Variants in MYO1F observed in about 807,000 individuals in gnomAD.
MYO1F encodes myosin IF.
In MYO1F, 60 loss-of-function variants were observed where a neutral mutation model predicts 146.6. The ratio of observed to expected loss-of-function variants is 0.41; its 90% CI spans 0.33 to 0.51. The LOEUF (loss-of-function observed/expected upper bound fraction) is 0.51, where lower values mean the gene tolerates loss of function less well. Ranked by LOEUF, MYO1F falls within the 20% of genes least tolerant of loss-of-function variation. The pLI is 0.25. For synonymous variants in MYO1F, 602 were observed against 602.1 expected (o/e 1.00, Z 0.00); for missense variants, 1,274 against 1,534.3 (o/e 0.83, Z 2.83).
intron 1 of MYO1F, among the ~76,000 whole-genome samples, chr19:8,564,087 G>C (rs905512130): frequency 1.3e-5 from 2 of 152,044 alleles, no homozygotes; most frequent in Admixed American, 6.6e-5. Flanking sequence ...GTTTTTATAA[G>C]AAGTGGGTGC....
intron 4 of MYO1F, 79 bp from the exon 5 acceptor site, chr19:8,553,516 A>C (rs1599998785): frequency 2.6e-6 from 3 of 1,157,212 alleles, no homozygotes; most frequent in East Asian, 2.3e-5. Flanking sequence ...TTCATTGAGC[A>C]CCTACTGTGT....
chr19:8,574,281 G>T (rs562375978), intron 1 of MYO1F, among the ~76,000 whole-genome samples: 2 of 152,066 alleles, frequency 1.3e-5, no homozygotes, highest in Non-Finnish European at 2.9e-5. Context: ...ATGACCACTC[G>T]CAGCAACTCC....
chr19:8,521,291 C>T lies in MYO1F; in HGVS notation c.*237G>A. 2 of 572,760 alleles carry T rather than the reference C, an allele frequency of 3.5e-6. No individual in the cohort carries two copies. The highest frequency in any genetic ancestry group is 1.9e-5 in the South Asian group (1 of 51,608). 35.5% of individuals were successfully genotyped at this position (572,760 alleles called of 1,614,324 possible). The stretch of plus-strand genomic sequence containing the variant: ...TCTGCTGTTAGTCCCCTTTGACACA[C>T]ACAGAAATGGAGAATGGGCAGCAGG... On this transcript the variant is annotated 3_prime_UTR_variant, in exon 28 of 28. Transcript: ENST00000644032.
intron 1 of MYO1F, among the ~76,000 whole-genome samples, chr19:8,567,269 C>G (rs979150696): frequency 1.3e-5 from 2 of 151,540 alleles, no homozygotes; most frequent in Non-Finnish European, 2.9e-5. Context: ...GTTTCACCAT[C>G]TTGGCCAGGC....
intron 24 of MYO1F, 94 bp downstream of exon 24, chr19:8,526,359 C>CTA (rs1972265594): frequency 1.3e-6 from 2 of 1,504,288 alleles, no homozygotes; most frequent in Admixed American, 2.0e-5. Flanking sequence ...GTCTCTCTCT[C>CTA]TCTCTCTGTA....
chr19:8,525,608 CT>C, intron 24 of MYO1F, 46 bp from the exon 25 acceptor site: 1 of 1,521,082 alleles, frequency 6.6e-7, no homozygotes. Flanking sequence ...AGACCACGCT[CT>C]TTGCCCCGCC....
chr19:8,527,460 C>T lies in MYO1F; in HGVS notation c.2352G>A (p.Leu784=). The T allele has an allele frequency of 6.2e-7, 1 of 1,614,090 alleles. No individual in the cohort carries two copies. Among genetic ancestry groups the T allele is most frequent in the Non-Finnish European group, 8.5e-7 (1 of 1,179,994 alleles). ...RFKPIKRDLI[L]TPKCVYVIGR... is the part of the protein sequence containing the mutation. ...CAATCACATACACACACTTGGGCGT[C>T]AGGATCAAGTCCCGCTTGATGGGCT... The change falls in exon 22 of 28, where the codon CTG becomes CTA. Residue 784 remains leucine (L), a synonymous_variant. Transcript: ENST00000644032.
At chr19:8,557,852 C>T (rs912410335) in intron 1 of MYO1F, among the ~76,000 whole-genome samples, 4 of 152,178 alleles carry the variant, frequency 2.6e-5, no homozygotes, top group Admixed American at 2.6e-4. Flanking sequence ...CAGTCCCTGA[C>T]TTCTCTGTGG....
chr19:8,576,055 G>A (rs369892335), intron 1 of MYO1F, among the ~76,000 whole-genome samples: 10 of 152,250 alleles, frequency 6.6e-5, no homozygotes, highest in African/African-American at 2.4e-4. Flanking sequence ...GGAGTGCAGC[G>A]GCAGGATCTC....
chr19:8,554,412 G>C (rs1973755525), intron 4 of MYO1F, 65 bp downstream of exon 4: 1 of 1,361,328 alleles, frequency 7.3e-7, no homozygotes, highest in South Asian at 1.2e-5. Flanking sequence ...AACCTCCCTG[G>C]GGGTGGTGAT....
rs560327516 is a variant in MYO1F, at chr19:8,542,020, G to A, written c.1525-29C>T. 23 of 1,596,244 alleles carry A rather than the reference G, an allele frequency of 1.4e-5. No homozygotes were observed. In the Admixed American group the frequency reaches 1.5e-4, roughly 10 times the overall value. On this transcript the variant is annotated intron_variant, in intron 14 of 27. Transcript: ENST00000644032. ...GAGGGGACAGTGCTGAGGACAGTGA[G>A]GGACTGAGAAACCTGGCTGGGAGGG... is the stretch of plus-strand genomic sequence containing the variant.
intron 14 of MYO1F, among the ~76,000 whole-genome samples, chr19:8,543,777 C>G (rs59757576): frequency 2.9e-3 from 31 of 10,766 alleles, no homozygotes; most frequent in South Asian, 0.011. Flanking sequence ...GCTGGTGGTG[C>G]TGGTGGTGCT....
At chr19:8,560,742 A>ATATTT (rs372195364) in intron 1 of MYO1F, among the ~76,000 whole-genome samples, 1 of 133,918 alleles carries the variant, frequency 7.5e-6, no homozygotes, top group Admixed American at 7.8e-5. Context: ...CGCCTGGCTA[A>ATATTT]TTTTTTTTTT....
rs1234937813 is a variant in MYO1F, at chr19:8,536,545, T to C, written c.1852A>G (p.Arg618Gly). 6.2e-7 allele frequency: 1 copy of C among 1,609,276 alleles called. No individual in the cohort carries two copies. The highest frequency in any genetic ancestry group is 8.5e-7 in the Non-Finnish European group (1 of 1,178,002). ...TGGCGGCGGTAGGCGAAGCCGGCTC[T>C]GCGCACCCTGATGTTCTCCTTCAGG... is the stretch of plus-strand genomic sequence containing the variant. ...LGLKENIRVR[R>G]AGFAYRRQFA... The change falls in exon 18 of 28, where the codon AGA becomes GGA. Residue 618 changes from arginine to glycine, a missense_variant. Physicochemically the swap from Arg to Gly is moderately radical, Grantham distance 125 (BLOSUM62 -2). Coordinates refer to ENST00000644032, the MANE Select transcript of MYO1F (RefSeq NM_012335.4).
intron 12 of MYO1F, chr19:8,547,816 CAATA>C (rs1788269504): frequency 1.8e-6 from 1 of 562,548 alleles, no homozygotes; most frequent in African/African-American, 1.9e-5. Context: ...AACAGGTGCT[CAATA>C]AATAATTGCT....
At chr19:8,562,638 G>A (rs1415732483) in intron 1 of MYO1F, among the ~76,000 whole-genome samples, 6 of 151,074 alleles carry the variant, frequency 4.0e-5, no homozygotes, top group Non-Finnish European at 8.9e-5. Flanking sequence ...AGGCTCAAGT[G>A]ATCCTCCCAC....
At position 8,556,701 on chromosome 19, in the gene MYO1F, A is replaced by C. The variant is rs1047134552; in HGVS notation, c.4-905T>G. Among the ~76,000 whole-genome samples, 9 of 151,524 alleles carry C rather than the reference A, an allele frequency of 5.9e-5. No individual in the cohort carries two copies. In the South Asian group the frequency reaches 1.9e-3, roughly 32 times the overall value. Reference sequence around the variant, plus strand: ...ACGAGAGTTCGAGACCAGTCTGATCAATATGGAGAAACCCCGTCTATACTA... The same window carrying C: ...ACGAGAGTTCGAGACCAGTCTGATCCATATGGAGAAACCCCGTCTATACTA... On this transcript the variant is annotated intron_variant, in intron 1 of 27. Transcript: ENST00000644032.
chr19:8,539,241 CCT>C, intron 16 of MYO1F, among the ~76,000 whole-genome samples: 1 of 151,948 alleles, frequency 6.6e-6, no homozygotes. Context: ...ATGGTGAAAC[CCT>C]GTCTCTACTG....
chr19:8,574,540 T>TTTCTTTCC (rs2045347355), intron 1 of MYO1F, among the ~76,000 whole-genome samples: 2 of 48,336 alleles, frequency 4.1e-5, no homozygotes, highest in Admixed American at 2.0e-4. Flanking sequence ...CCTTTCTTTC[T>TTTCTTTCC]TTCTTTCTTT....
Sources: gnomAD v4.1 joint callset for allele counts (sites outside exome capture counted in the v4.1 genomes callset) on GRCh38, gnomAD v4.1.1 for gene constraint, MANE v1.5 for transcripts, NCBI Gene and HGNC (gene_info 2026-07-23, HGNC 2026-07-21) for gene names.